ZNF571: variants seen among roughly 807,000 people sequenced by gnomAD.
The protein encoded by ZNF571 is zinc finger protein 571.
Under a neutral mutation model 7.7 loss-of-function variants are expected in ZNF571, and 4 were observed. The ratio of observed to expected loss-of-function variants is 0.52; its 90% CI spans 0.25 to 1.18. The LOEUF (loss-of-function observed/expected upper bound fraction) is 1.18. Ranked by LOEUF, ZNF571 falls within the 50% of genes most tolerant of loss-of-function variation. The pLI is 0.14. For missense variants in ZNF571, 704 were observed against 726.9 expected, an observed-to-expected ratio of 0.97 and a Z score of 0.36; for synonymous variants, 251 against 232.4, an observed-to-expected ratio of 1.08 and a Z score of -0.73.
In ZNF571 at chr19:37,565,375, A is replaced by G. The variant is rs763644093; in HGVS notation, c.1053T>C (p.Asn351=). 3.7e-6 allele frequency: 6 copies of G among 1,613,872 alleles called. No homozygotes were observed. The highest frequency in any genetic ancestry group is 5.1e-6 in the Non-Finnish European group (6 of 1,179,900). Reference sequence around the variant, plus strand: ...CTCCTGTATGAATTCTCTGATGTTCATTCAGTTGGGAGGCACATAAAAAGG... The same window carrying G: ...CTCCTGTATGAATTCTCTGATGTTCGTTCAGTTGGGAGGCACATAAAAAGG... ...GKAFLCASQL[N]EHQRIHTGEK... Residue 351 remains asparagine, a synonymous_variant, in exon 4 of 4, where the codon AAT becomes AAC. Coordinates refer to ENST00000451802, the MANE Select transcript of ZNF571 (RefSeq NM_016536.5).
chr19:37,565,677 A>G lies in ZNF571; in HGVS notation c.751T>C (p.Tyr251His). ...GCTTTTCCACATTTCTTACATTCAT[A>G]TGGTTTCTCTCCTGTATGAACTCTC... ...HQRVHTGEKP[Y>H]ECKKCGKAFS... The change falls in exon 4 of 4, where the codon TAT (tyrosine) becomes CAT (histidine). Residue 251 changes from tyrosine (Y) to histidine (H), a missense_variant. Transcript: ENST00000451802. 1 of 1,613,688 alleles carries G rather than the reference A, an allele frequency of 6.2e-7. No individual in the cohort carries two copies. The highest frequency in any genetic ancestry group is 8.5e-7 in the Non-Finnish European group (1 of 1,179,862).
intron 1 of ZNF571, among the ~76,000 whole-genome samples, chr19:37,590,547 A>G (rs2043839696): frequency 6.6e-6 from 1 of 152,218 alleles, no homozygotes; most frequent in Non-Finnish European, 1.5e-5. Context: ...AACTATAGTT[A>G]TAGTCCCCTG....
chr19:37,586,465 A>G (rs976078940), intron 2 of ZNF571: 1 of 617,610 alleles, frequency 1.6e-6, no homozygotes, highest in African/African-American at 1.9e-5. Flanking sequence ...TATCTGCTGA[A>G]TGAATATCTG....
intron 3 of ZNF571, among the ~76,000 whole-genome samples, chr19:37,572,721 G>C (rs2043107054): frequency 6.6e-6 from 1 of 152,088 alleles, no homozygotes; most frequent in Non-Finnish European, 1.5e-5. Flanking sequence ...GTAATCTGTT[G>C]GCCTTAGGAG....
chr19:37,573,782 G>A (rs369709569), intron 3 of ZNF571, among the ~76,000 whole-genome samples: 12 of 150,320 alleles, frequency 8.0e-5, no homozygotes, highest in Middle Eastern at 3.4e-3. Flanking sequence ...GCAGTGAGCC[G>A]TGACTGTGCC....
intron 3 of ZNF571, chr19:37,575,688 A>C (rs913022214): frequency 6.6e-6 from 1 of 152,162 alleles, no homozygotes; most frequent in Admixed American, 6.5e-5. Flanking sequence ...TGGTGGACTA[A>C]TGGCTAACCA....
intron 3 of ZNF571, chr19:37,575,373 C>T (rs1266255844): frequency 6.6e-6 from 1 of 152,096 alleles, no homozygotes; most frequent in African/African-American, 2.4e-5. Flanking sequence ...AATGGCATAC[C>T]CACATATGTC....
At chr19:37,568,372 C>T (rs1454810024) in intron 3 of ZNF571, among the ~76,000 whole-genome samples, 1 of 148,322 alleles carries the variant, frequency 6.7e-6, no homozygotes, top group East Asian at 2.2e-4. Context: ...CAATTCATGT[C>T]AGCAACACAT....
intron 1 of ZNF571, chr19:37,587,222 T>C (rs1056542784): frequency 5.2e-5 from 8 of 152,562 alleles, no homozygotes; most frequent in African/African-American, 1.9e-4. Flanking sequence ...CTCTTCCCTA[T>C]AAAAGAAAAT....
At chr19:37,573,033 A>G (rs2043119488) in intron 3 of ZNF571, among the ~76,000 whole-genome samples, 3 of 152,196 alleles carry the variant, frequency 2.0e-5, no homozygotes, top group African/African-American at 7.2e-5. Context: ...CTTCAATGTG[A>G]TACATACTTT....
intron 3 of ZNF571, among the ~76,000 whole-genome samples, chr19:37,577,131 G>A (rs1346359717): frequency 6.6e-6 from 1 of 152,016 alleles, no homozygotes; most frequent in Admixed American, 6.5e-5. Flanking sequence ...AAGGCGAAAG[G>A]AAAATTTCAT....
At chr19:37,574,703 A>C (rs2043184414) in intron 3 of ZNF571, among the ~76,000 whole-genome samples, 1 of 152,188 alleles carries the variant, frequency 6.6e-6, no homozygotes, top group Admixed American at 6.5e-5. Flanking sequence ...GACTAGAAAA[A>C]GTCACTCTAA....
At chr19:37,576,001 G>A (rs1453345948) in intron 3 of ZNF571, among the ~76,000 whole-genome samples, 1 of 151,454 alleles carries the variant, frequency 6.6e-6, no homozygotes, top group Non-Finnish European at 1.5e-5. Flanking sequence ...TTCAAAACAG[G>A]AAATCTTGTA....
Position 37,564,368 on chromosome 19 carries a change from A to G in ZNF571, c.*230T>C, listed in dbSNP as rs2042773204. 5.4e-6 allele frequency: 2 copies of G among 367,104 alleles called. No individual in the cohort carries two copies. Among genetic ancestry groups the G allele is most frequent in the African/African-American group, 4.2e-5 (2 of 47,878 alleles). The allele number at this position is 367,104 out of a possible 1,614,324, so 22.7% of individuals were successfully genotyped here. ...AAATATATAGGATTTCAGTTAGGAT[A>G]TGGTGAAATGGAGATGATGCTTAAT... On this transcript the variant is annotated 3_prime_UTR_variant, in exon 4 of 4. Transcript: ENST00000451802.
At position 37,586,669 on chromosome 19, in the gene ZNF571, T is replaced by C; in HGVS notation, c.8A>G (p.His3Arg). 7 of 1,614,064 alleles carry C rather than the reference T, an allele frequency of 4.3e-6. No homozygotes were observed. Among genetic ancestry groups the C allele is most frequent in the Non-Finnish European group, 5.9e-6 (7 of 1,179,994 alleles). Residue 3 changes from histidine (H) to arginine (R), a missense_variant and splice_region_variant, in exon 2 of 4, where the codon CAC becomes CGC. By Grantham distance (29) the His-to-Arg change is conservative (BLOSUM62 0). Transcript: ENST00000451802. ...AGAAGGAAAGAAACAGCAACTCACG[T>C]GGGGCATGGTTTTTTAGAACTGATC... is the stretch of plus-strand genomic sequence containing the variant. MP[H>R]LLVTFRDVAI...
At position 37,564,583 on chromosome 19, in the gene ZNF571, A is replaced by T; in HGVS notation, c.*15T>A. 6.9e-7 allele frequency: 1 copy of T among 1,459,214 alleles called. No individual in the cohort carries two copies. Among genetic ancestry groups the T allele is most frequent in the Non-Finnish European group, 9.1e-7 (1 of 1,102,892 alleles). 90.4% of individuals were successfully genotyped at this position (1,459,214 alleles called of 1,614,324 possible). ...GATGAAGATTTTCTTAAATTTAATC[A>T]CATTCAAGGCTTTCTCAATTATGAA... On this transcript the variant is annotated 3_prime_UTR_variant, in exon 4 of 4. Coordinates refer to ENST00000451802, the MANE Select transcript of ZNF571 (RefSeq NM_016536.5).
In ZNF571 at chr19:37,565,942, A is replaced by G; in HGVS notation, c.486T>C (p.Asn162=). 6.2e-7 allele frequency: 1 copy of G among 1,613,750 alleles called. No individual in the cohort carries two copies. Among genetic ancestry groups the G allele is most frequent in the Non-Finnish European group, 8.5e-7 (1 of 1,179,794 alleles). The part of the protein sequence containing the change: ...SCLIQHEENH[N]IEKCSEVKKH... ...TCTTAACTTCAGAGCATTTTTCTAT[A>G]TTATGATTTTCCTCATGTTGAATAA... The change falls in exon 4 of 4, where the codon AAT becomes AAC. Residue 162 remains asparagine, a synonymous_variant. Transcript: ENST00000451802.
At chr19:37,589,912 A>T (rs1187062837) in intron 1 of ZNF571, among the ~76,000 whole-genome samples, 3 of 149,558 alleles carry the variant, frequency 2.0e-5, no homozygotes, top group African/African-American at 7.4e-5. Context: ...AATCATGAGG[A>T]AACATCAAAC....
chr19:37,579,051 A>C (rs2043351603), intron 3 of ZNF571, among the ~76,000 whole-genome samples: 1 of 152,194 alleles, frequency 6.6e-6, no homozygotes, highest in South Asian at 2.1e-4. Flanking sequence ...CCCCACCTGA[A>C]CATTTCACCT....
Sources: allele counts gnomAD v4.1 joint callset (sites outside exome capture counted in the v4.1 genomes callset), GRCh38; gene constraint gnomAD v4.1.1; transcripts MANE v1.5; gene names NCBI Gene and HGNC (gene_info 2026-07-23, HGNC 2026-07-21).